Variants in LRRC1 observed in about 807,000 individuals in gnomAD.
LRRC1 encodes leucine-rich repeat-containing protein 1.
LRRC1 carries 28 observed loss-of-function variants against 69.9 expected under a neutral mutation model. The observed-to-expected ratio is 0.40, with a 90% CI of 0.30 to 0.55. The LOEUF (loss-of-function observed/expected upper bound fraction) is 0.55. LRRC1 is among the 20% of genes least tolerant of loss of function. LRRC1 has a pLI of 0.47. For synonymous variants in LRRC1, 236 were observed against 240.2 expected, an observed-to-expected ratio of 0.98 and a Z score of 0.16; for missense variants, 498 against 609.0, an observed-to-expected ratio of 0.82 and a Z score of 1.92.
intron 1 of LRRC1, among the ~76,000 whole-genome samples, chr6:53,803,758 T>C (rs1161203763): frequency 6.6e-6 from 1 of 152,194 alleles, no homozygotes; most frequent in Non-Finnish European, 1.5e-5. Flanking sequence ...CCCCAAGGAA[T>C]GGATTTGCCA....
intron 1 of LRRC1, among the ~76,000 whole-genome samples, chr6:53,799,645 A>C (rs1272592620): frequency 2.0e-5 from 3 of 152,262 alleles, no homozygotes; most frequent in Non-Finnish European, 2.9e-5. Context: ...TTTTCTATGA[A>C]CATGACTTAA....
At chr6:53,899,943 A>AGG in intron 8 of LRRC1, 52 bp downstream of exon 8, 1 of 1,404,580 alleles carries the variant, frequency 7.1e-7, no homozygotes, top group Non-Finnish European at 9.6e-7. Context: ...CGTCGTCTTG[A>AGG]GGGTTTGGGG....
intron 1 of LRRC1, among the ~76,000 whole-genome samples, chr6:53,802,742 A>G (rs1224513637): frequency 2.0e-5 from 3 of 152,196 alleles, no homozygotes; most frequent in Non-Finnish European, 4.4e-5. Flanking sequence ...TGTTTGTTCT[A>G]TACTATGAAT....
chr6:53,922,023 A>T (rs946237352), intron 13 of LRRC1, among the ~76,000 whole-genome samples: 1 of 152,224 alleles, frequency 6.6e-6, no homozygotes, highest in South Asian at 2.1e-4. Flanking sequence ...ATCATGTAAC[A>T]TATTAAATAA....
chr6:53,878,019 C>G (rs113703396), intron 2 of LRRC1, among the ~76,000 whole-genome samples: 1 of 152,302 alleles, frequency 6.6e-6, no homozygotes, highest in South Asian at 2.1e-4. Context: ...CTAGGGAGGC[C>G]TCACAATCAC....
intron 2 of LRRC1, among the ~76,000 whole-genome samples, chr6:53,856,336 G>A (rs76843514): frequency 1.1e-4 from 16 of 152,096 alleles, no homozygotes; most frequent in African/African-American, 3.9e-4. Flanking sequence ...TAGGCCAGAA[G>A]GGTGGAAGGA....
In LRRC1 at chr6:53,922,859, C is replaced by A; in HGVS notation, c.*66C>A. ...TGTCGAGACGTTCCTGTCTGCTTCC[C>A]GGGAGCCTCACGTGCTCCTTGTCCT... On this transcript the variant is annotated 3_prime_UTR_variant, in exon 14 of 14. Coordinates refer to ENST00000370888, the MANE Select transcript of LRRC1 (RefSeq NM_018214.5). The A allele has an allele frequency of 6.6e-7, 1 of 1,521,768 alleles. No individual in the cohort carries two copies. The highest frequency in any genetic ancestry group is 9.0e-7 in the Non-Finnish European group (1 of 1,114,562). The allele number at this position is 1,521,768 out of a possible 1,614,324, so 94.3% of individuals were successfully genotyped here.
chr6:53,916,897 G>A (rs1321272854), intron 11 of LRRC1, among the ~76,000 whole-genome samples: 1 of 152,162 alleles, frequency 6.6e-6, no homozygotes, highest in Non-Finnish European at 1.5e-5. Context: ...GAGACAAGAG[G>A]CTTACAGTTT....
intron 2 of LRRC1, among the ~76,000 whole-genome samples, chr6:53,845,337 T>C (rs1030286469): frequency 4.6e-5 from 7 of 152,164 alleles, no homozygotes; most frequent in African/African-American, 1.7e-4. Context: ...CTTCCACTCA[T>C]TTTTTGGACA....
In LRRC1 at chr6:53,923,219, C is replaced by A. The variant is rs576368224; in HGVS notation, c.*426C>A. 3 of 155,318 alleles carry A rather than the reference C, an allele frequency of 1.9e-5. No homozygotes were observed. The highest frequency in any genetic ancestry group is 7.2e-5 in the African/African-American group (3 of 41,622). The allele number at this position is 155,318 out of a possible 1,614,324, so 9.6% of individuals were successfully genotyped here. ...TGGGGAAAAATGGATACTTTTTAAACCTTTTTTGGCAGCTCAGATGGTGTA... is the reference window on the plus strand; with the variant it reads ...TGGGGAAAAATGGATACTTTTTAAAACTTTTTTGGCAGCTCAGATGGTGTA... On this transcript the variant is annotated 3_prime_UTR_variant, in exon 14 of 14. Transcript: ENST00000370888.
At chr6:53,890,348 G>GT (rs1237207789) in intron 4 of LRRC1, among the ~76,000 whole-genome samples, 1 of 152,170 alleles carries the variant, frequency 6.6e-6, no homozygotes, top group Non-Finnish European at 1.5e-5. Context: ...ATTATTACAA[G>GT]TTGCTGATAG....
intron 1 of LRRC1, among the ~76,000 whole-genome samples, chr6:53,804,575 A>G (rs1279158282): frequency 6.6e-6 from 1 of 152,232 alleles, no homozygotes; most frequent in African/African-American, 2.4e-5. Flanking sequence ...TAGAAGTATT[A>G]TAGCATTACT....
chr6:53,887,740 A>T (rs939752981), intron 4 of LRRC1, among the ~76,000 whole-genome samples: 6 of 152,200 alleles, frequency 3.9e-5, no homozygotes, highest in Admixed American at 3.3e-4. Context: ...TTGTTTCGTG[A>T]ACCTTTTTGC....
chr6:53,915,265 G>T (rs1459299501), intron 11 of LRRC1, among the ~76,000 whole-genome samples: 1 of 152,166 alleles, frequency 6.6e-6, no homozygotes, highest in Non-Finnish European at 1.5e-5. Context: ...CTTGCTAATG[G>T]ATTATAGACA....
intron 2 of LRRC1, among the ~76,000 whole-genome samples, chr6:53,864,495 C>T (rs986688972): frequency 6.6e-6 from 1 of 152,172 alleles, no homozygotes; most frequent in East Asian, 1.9e-4. Context: ...TGCAGTCTTC[C>T]TCGGCCACGA....
chr6:53,922,290 C>G (rs957400766), intron 13 of LRRC1, among the ~76,000 whole-genome samples: 1 of 152,006 alleles, frequency 6.6e-6, no homozygotes, highest in Non-Finnish European at 1.5e-5. Flanking sequence ...TTATCTTTTT[C>G]TTTCCCCACA....
At chr6:53,810,175 C>G (rs1445710693) in intron 1 of LRRC1, among the ~76,000 whole-genome samples, 2 of 152,206 alleles carry the variant, frequency 1.3e-5, no homozygotes, top group Non-Finnish European at 1.5e-5. Flanking sequence ...GAGAGCCTGC[C>G]TGATTCTTGC....
At chr6:53,824,011 A>G (rs933227057) in intron 1 of LRRC1, among the ~76,000 whole-genome samples, 2 of 152,162 alleles carry the variant, frequency 1.3e-5, no homozygotes, top group African/African-American at 4.8e-5. Context: ...ATACTCAGTA[A>G]TGGTATTGAT....
Position 53,843,237 on chromosome 6 carries a change from C to T in LRRC1, c.277+1010C>T, listed in dbSNP as rs565394145. Among the ~76,000 whole-genome samples the T allele has an allele frequency of 2.0e-5, 3 of 152,124 alleles. No individual in the cohort carries two copies. The East Asian group carries it at 5.8e-4, about 29-fold the overall frequency. ...TATTTTGTGTTTTGCTTCTGTTTTCCTACAAAAATCTATAGGTTTCTTCTG... is the reference window on the plus strand; with the variant it reads ...TATTTTGTGTTTTGCTTCTGTTTTCTTACAAAAATCTATAGGTTTCTTCTG... On this transcript the variant is annotated intron_variant, in intron 2 of 13. Coordinates refer to ENST00000370888, the MANE Select transcript of LRRC1 (RefSeq NM_018214.5).
Sources: allele counts gnomAD v4.1 joint callset (sites outside exome capture counted in the v4.1 genomes callset), GRCh38; gene constraint gnomAD v4.1.1; transcripts MANE v1.5; gene names NCBI Gene and HGNC (gene_info 2026-07-23, HGNC 2026-07-21).